MYH10: variants seen among roughly 807,000 people sequenced by gnomAD.
MYH10 encodes myosin-10.
Under a neutral mutation model 257.8 loss-of-function variants are expected in MYH10, and 55 were observed. The ratio of observed to expected loss-of-function variants is 0.21; its 90% CI spans 0.17 to 0.27. The LOEUF (loss-of-function observed/expected upper bound fraction) is 0.27. Among genes scored for constraint, MYH10 ranks in the 10% least tolerant of loss-of-function variants. MYH10 has a pLI of 1.00. For synonymous variants in MYH10, 854 were observed against 921.7 expected, an observed-to-expected ratio of 0.93 and a Z score of 1.33; for missense variants, 1,631 against 2,500.6, an observed-to-expected ratio of 0.65 and a Z score of 7.42.
At chr17:8,566,333 G>C (rs2083166809) in intron 7 of MYH10, among the ~76,000 whole-genome samples, 1 of 152,204 alleles carries the variant, frequency 6.6e-6, no homozygotes, top group South Asian at 2.1e-4. Flanking sequence ...CACAGTATCA[G>C]GGTTGGTTTG....
chr17:8,586,443 A>C (rs190957892), intron 4 of MYH10, among the ~76,000 whole-genome samples: 1 of 152,356 alleles, frequency 6.6e-6, no homozygotes, highest in East Asian at 1.9e-4. Flanking sequence ...TGAAATATTA[A>C]CAGTAGAATC....
At chr17:8,549,311 A>G (rs532252125) in intron 9 of MYH10, among the ~76,000 whole-genome samples, 8 of 152,330 alleles carry the variant, frequency 5.3e-5, no homozygotes, top group Non-Finnish European at 8.8e-5. Context: ...ACTTTCTCCA[A>G]GCCAGCTTGC....
chr17:8,617,501 G>A (rs1989360), intron 2 of MYH10, among the ~76,000 whole-genome samples: 53,273 of 151,914 alleles, frequency 0.35, 11,175 homozygotes, highest in African/African-American at 0.6. Context: ...CAAATACCTC[G>A]TTTGAGAGCC....
intron 2 of MYH10, among the ~76,000 whole-genome samples, chr17:8,615,580 ACT>A (rs2085229251): frequency 6.6e-6 from 1 of 152,184 alleles, no homozygotes; most frequent in Non-Finnish European, 1.5e-5. Flanking sequence ...TAGGAATCTC[ACT>A]CTCTCTTTGT....
At chr17:8,614,176 T>C (rs1003412625) in intron 2 of MYH10, among the ~76,000 whole-genome samples, 1 of 151,952 alleles carries the variant, frequency 6.6e-6, no homozygotes, top group African/African-American at 2.4e-5. Flanking sequence ...TAACGAACCA[T>C]AAAGCAAGTC....
At chr17:8,627,998 T>C (rs1191837739) in intron 1 of MYH10, among the ~76,000 whole-genome samples, 2 of 152,162 alleles carry the variant, frequency 1.3e-5, no homozygotes, top group Non-Finnish European at 2.9e-5. Flanking sequence ...TGATGGAAGG[T>C]GACATGGAGG....
intron 9 of MYH10, among the ~76,000 whole-genome samples, chr17:8,550,112 C>T (rs1322431990): frequency 3.3e-5 from 5 of 150,660 alleles, no homozygotes; most frequent in South Asian, 2.1e-4. Flanking sequence ...GCCGCCACCC[C>T]GTCTGGGAAG....
chr17:8,518,028 GT>G (rs2151896340), intron 21 of MYH10, among the ~76,000 whole-genome samples: 1 of 48,708 alleles, frequency 2.1e-5, no homozygotes, highest in Non-Finnish European at 5.9e-5. Context: ...TTGGCCCCGT[GT>G]GTGTGTGTGT....
At position 8,493,526 on chromosome 17, in the gene MYH10, G is replaced by A. The variant is rs544660191; in HGVS notation, c.4209+207C>T. 9.2e-5 allele frequency among the ~76,000 whole-genome samples: 14 copies of A among 152,172 alleles called. No homozygotes were observed. In the South Asian group the frequency reaches 2.1e-3, roughly 23 times the overall value. ...GATGACTGGATTGAAATCTTACATCGTTGACACAGTCCTAGGTCCTTATTT... is the reference window on the plus strand; with the variant it reads ...GATGACTGGATTGAAATCTTACATCATTGACACAGTCCTAGGTCCTTATTT... On this transcript the variant is annotated intron_variant, in intron 32 of 42. Transcript: ENST00000360416.
chr17:8,536,438 A>C (rs574308698), intron 14 of MYH10, among the ~76,000 whole-genome samples: 174 of 152,380 alleles, frequency 1.1e-3, no homozygotes, highest in Non-Finnish European at 1.8e-3. Flanking sequence ...ATTAAGTAGA[A>C]TATATGGAAA....
At chr17:8,501,722 T>TA (rs1261586983) in intron 28 of MYH10, among the ~76,000 whole-genome samples, 1 of 152,212 alleles carries the variant, frequency 6.6e-6, no homozygotes, top group Non-Finnish European at 1.5e-5. Flanking sequence ...TGATGTTTGA[T>TA]ATGAGAACAC....
intron 2 of MYH10, among the ~76,000 whole-genome samples, chr17:8,611,399 G>A (rs1275663896): frequency 2.0e-5 from 3 of 152,240 alleles, no homozygotes; most frequent in South Asian, 4.1e-4. Context: ...AACAAGTTGT[G>A]GCTGAAATCC....
chr17:8,585,392 G>T (rs2152038048), intron 4 of MYH10, among the ~76,000 whole-genome samples: 1 of 150,084 alleles, frequency 6.7e-6, no homozygotes, highest in Non-Finnish European at 1.5e-5. Flanking sequence ...TGAGCATGGG[G>T]AGAATCACAG....
At chr17:8,576,408 T>C (rs2083498683) in intron 6 of MYH10, among the ~76,000 whole-genome samples, 1 of 152,138 alleles carries the variant, frequency 6.6e-6, no homozygotes, top group South Asian at 2.1e-4. Flanking sequence ...CAGTTCAATG[T>C]CATGATAAAA....
At chr17:8,488,347 TGAG>T (rs893706282) in intron 35 of MYH10, among the ~76,000 whole-genome samples, 2 of 152,142 alleles carry the variant, frequency 1.3e-5, no homozygotes, top group Non-Finnish European at 2.9e-5. Context: ...TCACCAATGA[TGAG>T]GACCAGACAC....
chr17:8,494,431 G>A (rs899373760), intron 31 of MYH10, among the ~76,000 whole-genome samples: 3 of 152,146 alleles, frequency 2.0e-5, no homozygotes, highest in Non-Finnish European at 2.9e-5. Context: ...CCATGGCTTC[G>A]GCCTCCTCTA....
chr17:8,506,430 C>A lies in MYH10; in HGVS notation c.3274G>T (p.Asp1092Tyr). Residue 1092 changes from aspartate (D) to tyrosine (Y), a missense_variant, in exon 27 of 43, where the codon GAC becomes TAC. Asp to Tyr is a radical substitution (Grantham distance 160). Coordinates refer to ENST00000360416, the MANE Select transcript of MYH10 (RefSeq NM_001256012.3). This position sits in a 1 kb window ranked among gnomAD's most constrained non-coding sequence, Gnocchi z 5.0. ...TCCTGCAGGTCGGTCGTCTCCCCGT[C>A]GAGTTTTCTTTTGGCCTTTTCCAGT... ...QELEKAKRKL[D>Y]GETTDLQDQI... 2.5e-6 allele frequency: 4 copies of A among 1,612,926 alleles called. No homozygotes were observed. The highest frequency in any genetic ancestry group is 3.4e-6 in the Non-Finnish European group (4 of 1,179,656).
intron 3 of MYH10, among the ~76,000 whole-genome samples, chr17:8,604,285 G>A (rs1163826614): frequency 1.3e-5 from 2 of 152,134 alleles, no homozygotes; most frequent in Admixed American, 1.3e-4. Flanking sequence ...TTTTAAAAAT[G>A]TCCCTCCATA....
rs147713134 is a variant in MYH10 at position 8,593,768 on chromosome 17, T to C, written c.503-4660A>G. ...TGTTAATTCGGCCTCAACTGATCTA[T>C]AGATTCAGTGCAATCCAATCAAAAT... On this transcript the variant is annotated intron_variant, in intron 3 of 42. Transcript: ENST00000360416. 4.6e-5 allele frequency among the ~76,000 whole-genome samples: 7 copies of C among 152,270 alleles called. No homozygotes were observed. In the East Asian group the frequency reaches 9.6e-4, roughly 21 times the overall value.
Sources: allele counts gnomAD v4.1 joint callset (sites outside exome capture counted in the v4.1 genomes callset), GRCh38; gene constraint gnomAD v4.1.1; non-coding constraint Gnocchi (gnomAD v3.1); transcripts MANE v1.5; gene names NCBI Gene and HGNC (gene_info 2026-07-23, HGNC 2026-07-21).